MSH4: variants seen among roughly 807,000 people sequenced by gnomAD.
MSH4 encodes mutS protein homolog 4.
In MSH4, 106 loss-of-function variants were observed where a neutral mutation model predicts 113.7. The ratio of observed to expected loss-of-function variants is 0.93; its 90% CI spans 0.80 to 1.10. The LOEUF is 1.10. MSH4 is among the 50% of genes least tolerant of loss of function. The pLI, the probability that MSH4 is intolerant of heterozygous loss-of-function variation, is 0.00. For missense variants in MSH4, 1,061 were observed against 1,093.7 expected (o/e 0.97, Z 0.42); for synonymous variants, 368 against 380.2 (o/e 0.97, Z 0.37).
chr1:75,839,923 C>T (rs1650915654), intron 7 of MSH4, among the ~76,000 whole-genome samples: 1 of 144,838 alleles, frequency 6.9e-6, no homozygotes, highest in Non-Finnish European at 1.5e-5. Flanking sequence ...AAAAAATGCT[C>T]ACCATCACTG....
At chr1:75,806,096 G>C (rs1359641283) in intron 2 of MSH4, among the ~76,000 whole-genome samples, 1 of 151,346 alleles carries the variant, frequency 6.6e-6, no homozygotes, top group African/African-American at 2.4e-5. Flanking sequence ...CTGTACTTTT[G>C]GGCTATATAT....
chr1:75,907,689 C>CTCT (rs1557535183), intron 19 of MSH4, among the ~76,000 whole-genome samples: 1,534 of 78,514 alleles, frequency 0.02, 30 homozygotes, highest in Non-Finnish European at 0.027. Context: ...TCTCTCTATA[C>CTCT]ATATATATAT....
At chr1:75,849,113 G>A (rs1651135866) in intron 8 of MSH4, among the ~76,000 whole-genome samples, 1 of 152,008 alleles carries the variant, frequency 6.6e-6, no homozygotes, top group Non-Finnish European at 1.5e-5. Flanking sequence ...TGTATTTTTA[G>A]TAGAGATGGG....
intron 1 of MSH4, among the ~76,000 whole-genome samples, chr1:75,798,893 T>C (rs1211776316): frequency 2.0e-5 from 3 of 152,152 alleles, no homozygotes; most frequent in Non-Finnish European, 2.9e-5. Flanking sequence ...CCTTGTAGCT[T>C]ACTTACTGTA....
At chr1:75,886,988 T>G (rs1348751700) in intron 15 of MSH4, among the ~76,000 whole-genome samples, 3 of 151,616 alleles carry the variant, frequency 2.0e-5, no homozygotes, top group Admixed American at 6.6e-5. Context: ...AGGGCTTCAA[T>G]AAATAGGTAT....
In MSH4 at chr1:75,854,007, G is replaced by GTATATA. The variant is rs150197709; in HGVS notation, c.1230+5732_1230+5733insATATAT. On this transcript the variant is annotated intron_variant, in intron 8 of 19. Transcript: ENST00000263187. ...CCTCTCATGGCTAGGGCATAAGTGT[G>GTATATA]TGTGTGTATATATATATATATGCAT... 3.5e-3 allele frequency among the ~76,000 whole-genome samples: 178 copies of GTATATA among 50,448 alleles called. 3 individuals carry two copies. Among genetic ancestry groups the GTATATA allele is most frequent in the Middle Eastern group, 0.017 (1 of 58 alleles). 33.1% of individuals were successfully genotyped at this position (50,448 alleles called of 152,430 possible).
intron 8 of MSH4, among the ~76,000 whole-genome samples, chr1:75,852,122 G>A (rs556395351): frequency 6.6e-6 from 1 of 152,206 alleles, no homozygotes; most frequent in South Asian, 2.1e-4. Context: ...TTATATAAAT[G>A]GAACATTTTA....
intron 4 of MSH4, 28 bp from the exon 5 acceptor site, chr1:75,814,993 T>C (rs1218763287): frequency 2.0e-5 from 28 of 1,423,232 alleles, no homozygotes; most frequent in Non-Finnish European, 2.7e-5. Context: ...ACTTCAAACT[T>C]TATTTTGAAA....
rs1209236776 is a variant in MSH4, at chr1:75,906,716, C to T, written c.2620-5980C>T. 2.7e-5 allele frequency among the ~76,000 whole-genome samples: 4 copies of T among 147,546 alleles called. No individual in the cohort carries two copies. The South Asian group carries it at 6.3e-4, about 23-fold the overall frequency. The stretch of plus-strand genomic sequence containing the variant: ...AAACAATGGAAAAACTGAAACACTC[C>T]GTACTTTAACTTCATTCCCCTGACA... On this transcript the variant is annotated intron_variant, in intron 19 of 19. Transcript: ENST00000263187.
chr1:75,882,980 A>G (rs1651968676), intron 14 of MSH4, among the ~76,000 whole-genome samples: 1 of 152,042 alleles, frequency 6.6e-6, no homozygotes, highest in Non-Finnish European at 1.5e-5. Context: ...AGTACAATCA[A>G]TGAGTACTTG....
At chr1:75,877,723 C>G (rs527272664) in intron 10 of MSH4, among the ~76,000 whole-genome samples, 1 of 152,132 alleles carries the variant, frequency 6.6e-6, no homozygotes, top group Non-Finnish European at 1.5e-5. Context: ...TTGCCTCTAC[C>G]GAAGGCAGGG....
Position 75,824,766 on chromosome 1 carries a change from A to G in MSH4, c.1162+2185A>G, listed in dbSNP as rs147105038. 6.4e-3 allele frequency among the ~76,000 whole-genome samples: 968 copies of G among 151,196 alleles called. 16 individuals carry two copies. The highest frequency in any genetic ancestry group is 0.036 in the Admixed American group (542 of 15,180). On this transcript the variant is annotated intron_variant, in intron 7 of 19. Coordinates refer to ENST00000263187, the MANE Select transcript of MSH4 (RefSeq NM_002440.4). ...TTGCTTGCTTTTGTTAGGTTTGTCA[A>G]ACATATGTGGTGTTATTTCTCAGGT...
intron 8 of MSH4, among the ~76,000 whole-genome samples, chr1:75,849,421 A>G (rs894019218): frequency 6.6e-6 from 1 of 152,240 alleles, no homozygotes; most frequent in East Asian, 1.9e-4. Context: ...ATGCATAAAA[A>G]GAAAAGTCTT....
chr1:75,885,076 C>G (rs1307900853), intron 15 of MSH4, among the ~76,000 whole-genome samples: 1 of 61,198 alleles, frequency 1.6e-5, no homozygotes, highest in South Asian at 4.2e-4. Flanking sequence ...TATATATATA[C>G]CAGCCAGGAG....
intron 7 of MSH4, among the ~76,000 whole-genome samples, chr1:75,825,725 G>A (rs951134819): frequency 7.2e-5 from 11 of 152,274 alleles, no homozygotes; most frequent in Non-Finnish European, 1.6e-4. Flanking sequence ...AGATAATCAT[G>A]TGGTTTTTGT....
Position 75,816,492 on chromosome 1 carries a change from T to C in MSH4, c.935T>C (p.Ile312Thr), listed in dbSNP as rs1478724054. ...CFQGSEQTAM[I>T]DSSSAQNLEL... ...CAGGGTAGTGAACAGACAGCCATGA[T>C]AGATTCATCATCAGCCCAAAACCTT... Residue 312 changes from isoleucine (I) to threonine (T), a missense_variant, in exon 6 of 20, where the codon ATA becomes ACA. Transcript: ENST00000263187. 3 of 1,606,872 alleles carry C rather than the reference T, an allele frequency of 1.9e-6. No homozygotes were observed. Among genetic ancestry groups the C allele is most frequent in the African/African-American group, 1.3e-5 (1 of 74,862 alleles).
intron 7 of MSH4, among the ~76,000 whole-genome samples, chr1:75,841,982 G>A (rs899028299): frequency 2.6e-5 from 4 of 152,172 alleles, no homozygotes; most frequent in African/African-American, 9.7e-5. Flanking sequence ...CATGGCCCAT[G>A]AACACAGCCC....
rs1398913359 is a variant in MSH4, at chr1:75,822,424, C to T, written c.1005C>T (p.Leu335=). Residue 335 remains leucine (L), a synonymous_variant, in exon 7 of 20, where the codon CTC becomes CTT. Coordinates refer to ENST00000263187, the MANE Select transcript of MSH4 (RefSeq NM_002440.4). ...NNQDYRNNHT[L]FGVLNYTKTP... Reference sequence around the variant, plus strand: ...GTTTTGAAAGGAATAATCACACTCTCTTTGGTGTTCTAAATTATACTAAGA... The same window carrying T: ...GTTTTGAAAGGAATAATCACACTCTTTTTGGTGTTCTAAATTATACTAAGA... 4.5e-6 allele frequency: 7 copies of T among 1,559,746 alleles called. No individual in the cohort carries two copies. The highest frequency in any genetic ancestry group is 6.0e-6 in the Non-Finnish European group (7 of 1,160,504).
chr1:75,872,354 G>C (rs540472734), intron 9 of MSH4, among the ~76,000 whole-genome samples: 5 of 152,206 alleles, frequency 3.3e-5, no homozygotes, highest in African/African-American at 1.2e-4. Context: ...ACAAAACAAA[G>C]AAAATGTCAG....
Sources: allele counts gnomAD v4.1 joint callset (sites outside exome capture counted in the v4.1 genomes callset), GRCh38; gene constraint gnomAD v4.1.1; transcripts MANE v1.5; gene names NCBI Gene and HGNC (gene_info 2026-07-23, HGNC 2026-07-21).